The following PPP2R2B variants were observed in gnomAD, a reference collection of about 807,000 sequenced individuals.
The protein encoded by PPP2R2B is serine/threonine-protein phosphatase 2A 55 kDa regulatory subunit B beta isoform.
Under a neutral mutation model 46.0 loss-of-function variants are expected in PPP2R2B, and 5 were observed. The observed-to-expected ratio is 0.11, with a 90% CI of 0.06 to 0.23. The LOEUF (loss-of-function observed/expected upper bound fraction) is 0.23. Among genes scored for constraint, PPP2R2B ranks in the 10% least tolerant of loss-of-function variants. The probability of loss-of-function intolerance (pLI) is 1.00; values close to 1 mark genes in which losing one functional copy is unlikely to be tolerated. For synonymous variants in PPP2R2B, 215 were observed against 206.7 expected (o/e 1.04, Z -0.34); for missense variants, 367 against 575.0 (o/e 0.64, Z 3.70).
At chr5:146,963,393 G>GT (rs141503802) in intron 1 of PPP2R2B, among the ~76,000 whole-genome samples, 2,768 of 152,154 alleles carry the variant, frequency 0.018, 97 homozygotes, top group African/African-American at 0.064. Context: ...GTGAAGTGAG[G>GT]TTTTTTCTCT....
chr5:146,672,763 A>G (rs1346057934), intron 5 of PPP2R2B, among the ~76,000 whole-genome samples: 2 of 152,206 alleles, frequency 1.3e-5, no homozygotes, highest in South Asian at 2.1e-4. Context: ...CTTTCTTGTT[A>G]ATTTCCAAGT....
At chr5:146,782,090 T>TC (rs1268668395) in intron 2 of PPP2R2B, among the ~76,000 whole-genome samples, 1 of 152,078 alleles carries the variant, frequency 6.6e-6, no homozygotes, top group Non-Finnish European at 1.5e-5. Flanking sequence ...GAATACTGGC[T>TC]CCCCCTTTGC....
At chr5:146,601,874 T>C (rs1229776995) in intron 7 of PPP2R2B, among the ~76,000 whole-genome samples, 1 of 152,184 alleles carries the variant, frequency 6.6e-6, no homozygotes, top group East Asian at 1.9e-4. Context: ...ATCCAGGTTC[T>C]TATTATCTCT....
chr5:146,942,552 T>C (rs1764353035), intron 1 of PPP2R2B, among the ~76,000 whole-genome samples: 1 of 152,138 alleles, frequency 6.6e-6, no homozygotes, highest in South Asian at 2.1e-4. Flanking sequence ...AAATACAATG[T>C]CTGTGTAGAA....
rs1268123405 is a variant in PPP2R2B at position 146,582,810 on chromosome 5, T to C, written c.*7137A>G. On this transcript the variant is annotated 3_prime_UTR_variant, in exon 10 of 10. Coordinates refer to ENST00000394411, the MANE Select transcript of PPP2R2B (RefSeq NM_181675.4). ...GGTTGAGAAAGCATCTCTGAGGAGG[T>C]GACATTTGAGCTGAGTTTATCAGTA... 6.6e-6 allele frequency: 1 copy of C among 152,194 alleles called. No homozygotes were observed. The highest frequency in any genetic ancestry group is 1.5e-5 in the Non-Finnish European group (1 of 68,062). The allele number at this position is 152,194 out of a possible 1,614,324, so 9.4% of individuals were successfully genotyped here.
In PPP2R2B at chr5:146,590,230, C is replaced by A. The variant is rs373829916; in HGVS notation, c.1053-4G>T. The A allele has an allele frequency of 9.7e-6, 15 of 1,539,080 alleles. No homozygotes were observed. The highest frequency in any genetic ancestry group is 1.2e-5 in the Non-Finnish European group (14 of 1,146,488). On this transcript the variant is annotated splice_polypyrimidine_tract_variant and splice_region_variant and intron_variant, in intron 9 of 9. Transcript: ENST00000394411. Reference sequence around the variant, plus strand: ...GTAGGAGCCTGTCATGATGACACTGCAAGGCAGAGAGCAAAGGCAATGACA... The same window carrying A: ...GTAGGAGCCTGTCATGATGACACTGAAAGGCAGAGAGCAAAGGCAATGACA...
intron 5 of PPP2R2B, among the ~76,000 whole-genome samples, chr5:146,687,591 T>A (rs989097150): frequency 1.4e-4 from 21 of 152,180 alleles, no homozygotes; most frequent in Non-Finnish European, 2.9e-5. Context: ...ACGCTTGTAA[T>A]AGAAATGGTA....
At chr5:147,022,524 C>A (rs1755330016) in intron 1 of PPP2R2B, among the ~76,000 whole-genome samples, 1 of 151,268 alleles carries the variant, frequency 6.6e-6, no homozygotes, top group Non-Finnish European at 1.5e-5. Flanking sequence ...CATGCCACTG[C>A]ACTCCAGCCT....
intron 5 of PPP2R2B, among the ~76,000 whole-genome samples, chr5:146,684,965 T>A (rs1322342751): frequency 6.6e-6 from 1 of 152,190 alleles, no homozygotes; most frequent in Non-Finnish European, 1.5e-5. Flanking sequence ...GAACCAATGA[T>A]TGAATTCATT....
At chr5:146,954,995 A>T (rs530808173) in intron 1 of PPP2R2B, among the ~76,000 whole-genome samples, 3 of 152,172 alleles carry the variant, frequency 2.0e-5, no homozygotes, top group Non-Finnish European at 4.4e-5. Flanking sequence ...TGAATAACTT[A>T]TCTGCTCGAT....
intron 2 of PPP2R2B, among the ~76,000 whole-genome samples, chr5:146,793,310 C>T (rs1049821872): frequency 2.0e-5 from 3 of 152,138 alleles, no homozygotes; most frequent in African/African-American, 4.8e-5. Flanking sequence ...TTTTATTAGA[C>T]ATCCAAATAG....
intron 2 of PPP2R2B, among the ~76,000 whole-genome samples, chr5:146,730,359 T>C (rs1752153002): frequency 6.6e-6 from 1 of 152,172 alleles, no homozygotes; most frequent in South Asian, 2.1e-4. Context: ...TTGTCTCAGA[T>C]GAGACTTTGG....
At chr5:147,010,750 T>C (rs1054197798) in intron 1 of PPP2R2B, among the ~76,000 whole-genome samples, 1 of 152,070 alleles carries the variant, frequency 6.6e-6, no homozygotes, top group African/African-American at 2.4e-5. Flanking sequence ...TCGGTAGTAA[T>C]CTGTGGCCTG....
chr5:146,728,744 C>T (rs111289348), intron 2 of PPP2R2B, among the ~76,000 whole-genome samples: 24 of 152,284 alleles, frequency 1.6e-4, no homozygotes, highest in African/African-American at 5.3e-4. Context: ...ATGGGTTTAT[C>T]AGGGGTTTCC....
At chr5:146,802,298 A>C (rs1036892124) in intron 2 of PPP2R2B, among the ~76,000 whole-genome samples, 1 of 152,212 alleles carries the variant, frequency 6.6e-6, no homozygotes, top group African/African-American at 2.4e-5. Flanking sequence ...AACATCTGGC[A>C]TAGCTATCTC....
At chr5:146,606,733 C>A (rs181525546) in intron 7 of PPP2R2B, among the ~76,000 whole-genome samples, 6 of 152,248 alleles carry the variant, frequency 3.9e-5, no homozygotes, top group Admixed American at 2.6e-4. Flanking sequence ...TGGGCTGCGA[C>A]ACAGACACAT....
At chr5:146,782,186 T>G (rs1429177942) in intron 2 of PPP2R2B, among the ~76,000 whole-genome samples, 1 of 152,160 alleles carries the variant, frequency 6.6e-6, no homozygotes, top group Non-Finnish European at 1.5e-5. Context: ...GCTGCAGAAC[T>G]GTGAGCCAGT....
rs148495798 is a variant in PPP2R2B, at chr5:146,667,218, G to A, written c.448-16494C>T. On this transcript the variant is annotated intron_variant, in intron 5 of 9. Coordinates refer to ENST00000394411, the MANE Select transcript of PPP2R2B (RefSeq NM_181675.4). Reference sequence around the variant, plus strand: ...CTTCCTCAATGGCTGAGCTGAATTTGAATGTAGTGATTCTAGAAAATAAAT... The same window carrying A: ...CTTCCTCAATGGCTGAGCTGAATTTAAATGTAGTGATTCTAGAAAATAAAT... Among the ~76,000 whole-genome samples the A allele has an allele frequency of 3.5e-3, 533 of 152,200 alleles. 3 individuals are homozygous for A. The highest frequency in any genetic ancestry group is 6.1e-3 in the Admixed American group (93 of 15,266).
At chr5:146,600,266 C>G (rs1254869379) in intron 8 of PPP2R2B, 25 bp downstream of exon 8, 26 of 1,610,488 alleles carry the variant, frequency 1.6e-5, no homozygotes, top group Non-Finnish European at 2.1e-5. Flanking sequence ...GTTCAATATA[C>G]CTATGGGTGC....
Sources: gnomAD v4.1 joint callset for allele counts (sites outside exome capture counted in the v4.1 genomes callset) on GRCh38, gnomAD v4.1.1 for gene constraint, MANE v1.5 for transcripts, NCBI Gene and HGNC (gene_info 2026-07-23, HGNC 2026-07-21) for gene names.